The following PXDNL variants were observed in gnomAD, a reference collection of about 807,000 sequenced individuals.
PXDNL encodes the protein peroxidasin like, also known as probable oxidoreductase PXDNL.
Under a neutral mutation model 150.8 loss-of-function variants are expected in PXDNL, and 145 were observed. The observed-to-expected ratio is 0.96, with a 90% CI of 0.84 to 1.10. The LOEUF (loss-of-function observed/expected upper bound fraction) is 1.10, where lower values mean the gene tolerates loss of function less well. Among genes scored for constraint, PXDNL ranks in the 50% least tolerant of loss-of-function variants. PXDNL has a pLI of 0.00. For missense variants in PXDNL, 2,087 were observed against 1,873.9 expected, an observed-to-expected ratio of 1.11 and a Z score of -2.10; for synonymous variants, 757 against 725.7, an observed-to-expected ratio of 1.04 and a Z score of -0.69.
At position 51,556,961 on chromosome 8, in the gene PXDNL, CAT is replaced by C. The variant is rs113572945; in HGVS notation, c.309-52_309-51del. On this transcript the variant is annotated intron_variant, in intron 3 of 22. Coordinates refer to ENST00000356297, the MANE Select transcript of PXDNL (RefSeq NM_144651.5). ...AAATTATAAATTAGTAGAGATACCACATGTCTTAGATACAAACTTTTTAAACT... is the reference window on the plus strand; with the variant it reads ...AAATTATAAATTAGTAGAGATACCACGTCTTAGATACAAACTTTTTAAACT... 1.4e-3 allele frequency: 1,566 copies of C among 1,093,832 alleles called. 11 individuals carry two copies. In the African/African-American group the frequency reaches 0.022, roughly 15 times the overall value. 67.8% of individuals were successfully genotyped at this position (1,093,832 alleles called of 1,614,324 possible).
intron 4 of PXDNL, among the ~76,000 whole-genome samples, chr8:51,554,085 A>G (rs1812551164): frequency 6.6e-6 from 1 of 152,216 alleles, no homozygotes; most frequent in Admixed American, 6.5e-5. Flanking sequence ...GATGTTCTTT[A>G]CCAATAAGTT....
At chr8:51,529,867 G>T (rs1811855211) in intron 4 of PXDNL, among the ~76,000 whole-genome samples, 1 of 152,128 alleles carries the variant, frequency 6.6e-6, no homozygotes, top group East Asian at 1.9e-4. Context: ...GTTTGTGAGG[G>T]GCTGTCCCAT....
Position 51,785,624 on chromosome 8 carries a change from T to C in PXDNL, c.164+23557A>G, listed in dbSNP as rs568204590. On this transcript the variant is annotated intron_variant, in intron 1 of 22. Coordinates refer to ENST00000356297, the MANE Select transcript of PXDNL (RefSeq NM_144651.5). ...GTCTGTGTTCAGTGATCTTTGGTGTTATCATTGTAATTGTTTGGGGGACCA... is the reference window on the plus strand; with the variant it reads ...GTCTGTGTTCAGTGATCTTTGGTGTCATCATTGTAATTGTTTGGGGGACCA... Among the ~76,000 whole-genome samples the C allele has an allele frequency of 2.6e-5, 4 of 152,322 alleles. No homozygotes were observed. The South Asian group carries it at 6.2e-4, about 24-fold the overall frequency.
chr8:51,541,253 TA>T (rs5891421), intron 4 of PXDNL, among the ~76,000 whole-genome samples: 212 of 127,168 alleles, frequency 1.7e-3, no homozygotes, highest in East Asian at 4.3e-3. Flanking sequence ...TGAGACTCCA[TA>T]AAAAAAAAAA....
At chr8:51,379,761 A>AT (rs1161429688) in intron 17 of PXDNL, among the ~76,000 whole-genome samples, 1 of 152,020 alleles carries the variant, frequency 6.6e-6, no homozygotes, top group East Asian at 1.9e-4. Flanking sequence ...ATTCTCTTTT[A>AT]TTTTTTGTGA....
chr8:51,444,270 C>T (rs1182347376), intron 12 of PXDNL, among the ~76,000 whole-genome samples: 1 of 152,082 alleles, frequency 6.6e-6, no homozygotes, highest in South Asian at 2.1e-4. Flanking sequence ...ACCATCAGCG[C>T]AAATTTCAAC....
chr8:51,566,741 T>G (rs1003001915), intron 3 of PXDNL, among the ~76,000 whole-genome samples: 1 of 151,572 alleles, frequency 6.6e-6, no homozygotes, highest in African/African-American at 2.4e-5. Flanking sequence ...GAACCAGTTT[T>G]CACTTTTGTC....
At position 51,436,047 on chromosome 8, in the gene PXDNL, T is replaced by A. The variant is rs958930707; in HGVS notation, c.1526-9289A>T. The A allele has an allele frequency of 5.7e-6, 3 of 527,986 alleles. No homozygotes were observed. The Admixed American group carries it at 6.0e-5, about 11-fold the overall frequency. 32.7% of individuals were successfully genotyped at this position (527,986 alleles called of 1,614,324 possible). On this transcript the variant is annotated intron_variant, in intron 12 of 22. Coordinates refer to ENST00000356297, the MANE Select transcript of PXDNL (RefSeq NM_144651.5). ...CTAAATTCCTTGTTCAAAATAGTCA[T>A]AGCCTAGCTGAACTACAGATGACTG...
intron 1 of PXDNL, among the ~76,000 whole-genome samples, chr8:51,766,753 A>G (rs1052611139): frequency 7.9e-5 from 12 of 152,038 alleles, no homozygotes; most frequent in Admixed American, 4.6e-4. Context: ...TAAAAAAAAA[A>G]GATGTCTTCA....
chr8:51,344,566 C>T (rs1170873398), intron 20 of PXDNL, among the ~76,000 whole-genome samples: 2 of 152,234 alleles, frequency 1.3e-5, no homozygotes, highest in Non-Finnish European at 2.9e-5. Flanking sequence ...TTAATCACCC[C>T]TTGCTCTGCA....
rs1563433341 is a variant in PXDNL at position 51,486,767 on chromosome 8, TATATATATATATATA to T, written c.453-3068_453-3054del. ...TAAAAAGTTTATATATATATATATA[TATATATATATATATA>T]TATATATATATATTTTTTTTTTTTT... is the stretch of plus-strand genomic sequence containing the variant. On this transcript the variant is annotated intron_variant, in intron 5 of 22. Coordinates refer to ENST00000356297, the MANE Select transcript of PXDNL (RefSeq NM_144651.5). Among the ~76,000 whole-genome samples, 20 of 9,300 alleles carry T rather than the reference TATATATATATATATA, an allele frequency of 2.2e-3. 1 individual carries two copies. Among genetic ancestry groups the T allele is most frequent in the African/African-American group, 5.0e-3 (20 of 3,970 alleles). 6.1% of individuals were successfully genotyped at this position (9,300 alleles called of 152,430 possible). A position where few individuals can be genotyped will look rare whatever the true frequency, so the allele number is the denominator to read the frequency against.
chr8:51,579,887 C>T (rs1813166126), intron 3 of PXDNL, among the ~76,000 whole-genome samples: 1 of 151,842 alleles, frequency 6.6e-6, no homozygotes, highest in East Asian at 1.9e-4. Context: ...TGATAGTTTG[C>T]TGAGAATGAT....
chr8:51,476,179 G>A (rs1810471103), intron 6 of PXDNL, among the ~76,000 whole-genome samples: 1 of 152,230 alleles, frequency 6.6e-6, no homozygotes, highest in Non-Finnish European at 1.5e-5. Flanking sequence ...GAACAAGGAA[G>A]CTGTAATGTG....
intron 19 of PXDNL, among the ~76,000 whole-genome samples, chr8:51,364,093 G>T (rs1806837668): frequency 1.3e-5 from 2 of 152,154 alleles, no homozygotes. Context: ...TAATAACACA[G>T]TCTCATGTAT....
At chr8:51,708,231 G>A (rs1585690307) in intron 1 of PXDNL, among the ~76,000 whole-genome samples, 2 of 152,186 alleles carry the variant, frequency 1.3e-5, no homozygotes, top group African/African-American at 2.4e-5. Context: ...CACATTGATC[G>A]TGATTCACCT....
chr8:51,443,833 A>C (rs1335959703), intron 12 of PXDNL, among the ~76,000 whole-genome samples: 2 of 152,184 alleles, frequency 1.3e-5, no homozygotes, highest in African/African-American at 4.8e-5. Context: ...GATTTTTCAG[A>C]TAACTGTAAA....
chr8:51,614,926 CTA>C (rs1293140180), intron 2 of PXDNL, among the ~76,000 whole-genome samples: 1 of 152,084 alleles, frequency 6.6e-6, no homozygotes, highest in Non-Finnish European at 1.5e-5. Flanking sequence ...AAATAAAAAA[CTA>C]TCTCATTTTC....
intron 1 of PXDNL, among the ~76,000 whole-genome samples, chr8:51,748,553 C>A (rs2130970950): frequency 6.6e-6 from 1 of 152,266 alleles, no homozygotes; most frequent in South Asian, 2.1e-4. Flanking sequence ...ACTGCCTGGG[C>A]CAAGGTTCAC....
intron 9 of PXDNL, among the ~76,000 whole-genome samples, chr8:51,455,550 T>C (rs1809921264): frequency 6.6e-6 from 1 of 151,916 alleles, no homozygotes; most frequent in Non-Finnish European, 1.5e-5. Context: ...CACGGGGGAC[T>C]AGAGAAAGGG....
Sources: gnomAD v4.1 joint callset for allele counts (sites outside exome capture counted in the v4.1 genomes callset) on GRCh38, gnomAD v4.1.1 for gene constraint, MANE v1.5 for transcripts, NCBI Gene and HGNC (gene_info 2026-07-23, HGNC 2026-07-21) for gene names.